The following C9 variants were observed in gnomAD, a reference collection of about 807,000 sequenced individuals.
The protein encoded by C9 is complement component C9.
A neutral mutation model predicts 65.4 loss-of-function variants in C9; 63 were observed. That is an observed-to-expected ratio of 0.96 (90% CI 0.79 to 1.19). C9 has a LOEUF of 1.19. Among genes scored for constraint, C9 ranks in the 50% most tolerant of loss-of-function variants. The pLI is 0.00. For synonymous variants in C9, 229 were observed against 227.9 expected, an observed-to-expected ratio of 1.00 and a Z score of -0.04; for missense variants, 744 against 670.1, an observed-to-expected ratio of 1.11 and a Z score of -1.22.
chr5:39,333,077 A>G (rs951460564), intron 4 of C9, among the ~76,000 whole-genome samples: 5 of 152,358 alleles, frequency 3.3e-5, no homozygotes, highest in African/African-American at 1.2e-4. Flanking sequence ...CTATGGCCTT[A>G]AAGTTCTAAT....
intron 9 of C9, among the ~76,000 whole-genome samples, chr5:39,293,515 A>G (rs2111846437): frequency 6.6e-6 from 1 of 152,138 alleles, no homozygotes; most frequent in Admixed American, 6.6e-5. Flanking sequence ...AGAAAATATA[A>G]CAATTTTAAA....
At chr5:39,346,680 C>A (rs899044303) in intron 1 of C9, among the ~76,000 whole-genome samples, 4 of 152,208 alleles carry the variant, frequency 2.6e-5, no homozygotes, top group Non-Finnish European at 5.9e-5. Context: ...ATGAGGCCAG[C>A]ATCATCCTGA....
In C9 at chr5:39,341,640, C is replaced by T. The variant is rs1355574731; in HGVS notation, c.244G>A (p.Val82Met). ...QFNGKRCTDA[V>M]GDRRQCVPTE... ...GGCACACACTGTCGTCTGTCTCCCACAGCGTCGGTGCATCTTTTCCCATTA... is the reference window on the plus strand; with the variant it reads ...GGCACACACTGTCGTCTGTCTCCCATAGCGTCGGTGCATCTTTTCCCATTA... Residue 82 changes from valine to methionine, a missense_variant, in exon 3 of 11, where the codon GTG (valine) becomes ATG (methionine). By Grantham distance (21) the Val-to-Met change is conservative. Transcript: ENST00000263408. The T allele has an allele frequency of 6.2e-7, 1 of 1,614,024 alleles. No individual in the cohort carries two copies. Among genetic ancestry groups the T allele is most frequent in the East Asian group, 2.2e-5 (1 of 44,890 alleles).
intron 4 of C9, among the ~76,000 whole-genome samples, chr5:39,332,646 A>G (rs1753865382): frequency 6.6e-6 from 1 of 152,252 alleles, no homozygotes; most frequent in East Asian, 1.9e-4. Flanking sequence ...CAGGGAGGCC[A>G]ATAGGTTTGA....
intron 5 of C9, among the ~76,000 whole-genome samples, chr5:39,325,493 C>T (rs796650207): frequency 3.3e-5 from 5 of 152,120 alleles, no homozygotes; most frequent in South Asian, 2.1e-4. Flanking sequence ...ATGCAATGAT[C>T]GCCAGGCGCG....
chr5:39,328,981 T>C (rs1753799203), intron 5 of C9, among the ~76,000 whole-genome samples: 1 of 152,246 alleles, frequency 6.6e-6, no homozygotes, highest in Non-Finnish European at 1.5e-5. Context: ...ATAATCTGTG[T>C]GCATTTTGCA....
intron 4 of C9, among the ~76,000 whole-genome samples, chr5:39,334,488 C>T (rs1270503954): frequency 2.0e-5 from 3 of 149,878 alleles, no homozygotes; most frequent in Non-Finnish European, 4.4e-5. Flanking sequence ...AGGAGCGTCT[C>T]TGCCAGGCAG....
At chr5:39,356,541 C>T (rs1022325973) in intron 1 of C9, among the ~76,000 whole-genome samples, 3 of 152,236 alleles carry the variant, frequency 2.0e-5, no homozygotes, top group African/African-American at 7.2e-5. Context: ...AAGCTTACAC[C>T]TAAATGATGT....
chr5:39,319,887 C>T (rs957793054), intron 5 of C9, among the ~76,000 whole-genome samples: 1 of 152,124 alleles, frequency 6.6e-6, no homozygotes, highest in Non-Finnish European at 1.5e-5. Flanking sequence ...TTCCAGCAGA[C>T]CCAAGCTCCA....
intron 4 of C9, among the ~76,000 whole-genome samples, chr5:39,336,006 A>T (rs1325619235): frequency 6.6e-6 from 1 of 152,186 alleles, no homozygotes; most frequent in African/African-American, 2.4e-5. Context: ...GTGACATCTA[A>T]TATTTTTCAT....
chr5:39,356,433 T>TA (rs1754414117), intron 1 of C9, among the ~76,000 whole-genome samples: 1 of 152,250 alleles, frequency 6.6e-6, no homozygotes, highest in Non-Finnish European at 1.5e-5. Flanking sequence ...CATCTTGAGA[T>TA]ACAGCAAGTG....
At position 39,285,045 on chromosome 5, in the gene C9, A is replaced by T. The variant is rs1752965942; in HGVS notation, c.*154T>A. On this transcript the variant is annotated 3_prime_UTR_variant, in exon 11 of 11. Transcript: ENST00000263408. The stretch of plus-strand genomic sequence containing the variant: ...TTTAAGGAAGAAAAATTTAAAAAAA[A>T]ATTATAGACCTAAGAGAGAAGAGAC... The T allele has an allele frequency of 1.5e-6, 1 of 646,498 alleles. No homozygotes were observed. The highest frequency in any genetic ancestry group is 2.7e-6 in the Non-Finnish European group (1 of 364,074). The allele number at this position is 646,498 out of a possible 1,614,324, so 40.0% of individuals were successfully genotyped here. A position where few individuals can be genotyped will look rare whatever the true frequency, so the allele number is the denominator to read the frequency against.
intron 10 of C9, among the ~76,000 whole-genome samples, chr5:39,287,288 C>T (rs1273572593): frequency 6.6e-6 from 1 of 151,754 alleles, no homozygotes; most frequent in Non-Finnish European, 1.5e-5. Context: ...GAGAGTTTTT[C>T]CTAGATTTTC....
chr5:39,342,492 A>G (rs1754105729), intron 1 of C9, among the ~76,000 whole-genome samples: 1 of 152,264 alleles, frequency 6.6e-6, no homozygotes, highest in African/African-American at 2.4e-5. Context: ...CAGGTGTTTT[A>G]CATAGATTAA....
intron 6 of C9, 58 bp downstream of exon 6, chr5:39,315,717 A>T: frequency 7.9e-7 from 1 of 1,270,954 alleles, no homozygotes; most frequent in Non-Finnish European, 1.1e-6. Context: ...CAAAATACTT[A>T]AAGAGTCTGG....
chr5:39,333,344 A>G (rs1753879200), intron 4 of C9, among the ~76,000 whole-genome samples: 1 of 152,114 alleles, frequency 6.6e-6, no homozygotes, highest in Non-Finnish European at 1.5e-5. Flanking sequence ...ACAGTGGGCC[A>G]GTTCAAAGCA....
intron 9 of C9, among the ~76,000 whole-genome samples, chr5:39,303,634 G>C (rs577634536): frequency 7.9e-5 from 12 of 151,588 alleles, no homozygotes; most frequent in African/African-American, 2.4e-4. Flanking sequence ...ATTCCACTTA[G>C]AGTAAAACAG....
chr5:39,331,627 A>G, intron 5 of C9, 49 bp downstream of exon 5: 1 of 1,573,308 alleles, frequency 6.4e-7, no homozygotes, highest in South Asian at 1.1e-5. Flanking sequence ...TATTTAAGCA[A>G]TTTTTCAGCC....
chr5:39,343,482 C>T (rs1186173904), intron 1 of C9, among the ~76,000 whole-genome samples: 6 of 152,158 alleles, frequency 3.9e-5, no homozygotes, highest in Non-Finnish European at 5.9e-5. Flanking sequence ...TGGGGAGGGG[C>T]GCCCGCCATT....
Sources: allele counts gnomAD v4.1 joint callset (sites outside exome capture counted in the v4.1 genomes callset), GRCh38; gene constraint gnomAD v4.1.1; transcripts MANE v1.5; gene names NCBI Gene and HGNC (gene_info 2026-07-23, HGNC 2026-07-21).